Variants in KMT2C observed in about 807,000 individuals in gnomAD.
KMT2C encodes the protein lysine methyltransferase 2C.
A neutral mutation model predicts 507.9 loss-of-function variants in KMT2C; 88 were observed. The ratio of observed to expected loss-of-function variants is 0.17; its 90% CI spans 0.15 to 0.21. The LOEUF is 0.21. KMT2C is among the 10% of genes least tolerant of loss of function. The probability of loss-of-function intolerance (pLI) is 1.00; values close to 1 mark genes in which losing one functional copy is unlikely to be tolerated. For missense variants in KMT2C, 4,954 were observed against 5,957.8 expected (o/e 0.83, Z 5.55); for synonymous variants, 2,049 against 2,080.8 (o/e 0.98, Z 0.42).
At chr7:152,320,466 C>T (rs2096763270) in intron 3 of KMT2C, among the ~76,000 whole-genome samples, 3 of 152,040 alleles carry the variant, frequency 2.0e-5, no homozygotes, top group Admixed American at 2.0e-4. Context: ...CCAGGCTGGT[C>T]TCAAACTCCT....
chr7:152,306,911 T>C (rs1286687266), intron 6 of KMT2C, among the ~76,000 whole-genome samples: 1 of 152,090 alleles, frequency 6.6e-6, no homozygotes, highest in African/African-American at 2.4e-5. Flanking sequence ...ATAATCCCAG[T>C]ACTTCGGGAG....
intron 1 of KMT2C, among the ~76,000 whole-genome samples, chr7:152,374,622 G>T (rs2097314799): frequency 6.6e-6 from 1 of 152,100 alleles, no homozygotes; most frequent in African/African-American, 2.4e-5. Flanking sequence ...AATCAGGCCG[G>T]GTGTGCTGGC....
At chr7:152,423,709 C>T (rs2097792889) in intron 1 of KMT2C, among the ~76,000 whole-genome samples, 1 of 152,128 alleles carries the variant, frequency 6.6e-6, no homozygotes, top group Non-Finnish European at 1.5e-5. Flanking sequence ...ATTATTATTA[C>T]GGGGTTTTCA....
At chr7:152,272,669 T>A (rs561667369) in intron 7 of KMT2C, among the ~76,000 whole-genome samples, 1 of 152,288 alleles carries the variant, frequency 6.6e-6, no homozygotes, top group African/African-American at 2.4e-5. Context: ...AAATTCTAGT[T>A]TGCCTTACCT....
intron 1 of KMT2C, among the ~76,000 whole-genome samples, chr7:152,408,767 G>C (rs2097649699): frequency 6.7e-6 from 1 of 149,898 alleles, no homozygotes; most frequent in Non-Finnish European, 1.5e-5. Flanking sequence ...ACTAGTCCCT[G>C]GTGCCAAAAA....
intron 7 of KMT2C, 62 bp from the exon 8 acceptor site, chr7:152,265,271 C>G (rs2129173729): frequency 3.1e-6 from 5 of 1,590,862 alleles, no homozygotes; most frequent in Non-Finnish European, 4.3e-6. Flanking sequence ...TCTGACTATA[C>G]AGTAAAATCA....
intron 43 of KMT2C, among the ~76,000 whole-genome samples, chr7:152,160,718 A>G (rs2092401489): frequency 6.7e-6 from 1 of 149,744 alleles, no homozygotes; most frequent in Non-Finnish European, 1.5e-5. Context: ...TCACACTTTA[A>G]TTTGGGGGGA....
chr7:152,211,823 C>T (rs375899411), intron 23 of KMT2C, among the ~76,000 whole-genome samples: 3 of 151,698 alleles, frequency 2.0e-5, no homozygotes, highest in Admixed American at 1.3e-4. Context: ...CTGAGGCGGG[C>T]GGATCACGAG....
chr7:152,375,435 G>A (rs1435734371), intron 1 of KMT2C, among the ~76,000 whole-genome samples: 1 of 151,974 alleles, frequency 6.6e-6, no homozygotes. Flanking sequence ...GCCCAGGCTG[G>A]GGTGCAGTGG....
intron 6 of KMT2C, among the ~76,000 whole-genome samples, chr7:152,294,627 T>G (rs1227619326): frequency 1.3e-5 from 2 of 151,336 alleles, no homozygotes; most frequent in African/African-American, 2.4e-5. Flanking sequence ...GCAAGATCCC[T>G]CTCTGCCGGA....
At chr7:152,314,774 AAAG>A (rs763692053) in intron 4 of KMT2C, among the ~76,000 whole-genome samples, 12 of 152,182 alleles carry the variant, frequency 7.9e-5, no homozygotes, top group Non-Finnish European at 1.2e-4. Context: ...TAGAGAAACA[AAAG>A]AAGGACTTTA....
chr7:152,303,814 CCT>C (rs899597665), intron 6 of KMT2C, among the ~76,000 whole-genome samples: 62 of 152,236 alleles, frequency 4.1e-4, no homozygotes, highest in African/African-American at 1.5e-3. Context: ...ATGGCGAAAC[CCT>C]GTCTCTACTA....
At chr7:152,323,901 G>A (rs2096798345) in intron 3 of KMT2C, among the ~76,000 whole-genome samples, 2 of 151,600 alleles carry the variant, frequency 1.3e-5, no homozygotes, top group South Asian at 2.1e-4. Flanking sequence ...GAATCTAGAG[G>A]ATATCATGCT....
At chr7:152,295,032 A>G (rs1328833480) in intron 6 of KMT2C, among the ~76,000 whole-genome samples, 1 of 152,232 alleles carries the variant, frequency 6.6e-6, no homozygotes, top group Non-Finnish European at 1.5e-5. Flanking sequence ...CAACCAAACA[A>G]AACTTGTGAT....
chr7:152,229,380 C>T (rs1417017132), intron 18 of KMT2C, among the ~76,000 whole-genome samples: 3 of 152,156 alleles, frequency 2.0e-5, no homozygotes, highest in Non-Finnish European at 2.9e-5. Context: ...AAACCAAGCA[C>T]ACGATACCAC....
At position 152,178,015 on chromosome 7, in the gene KMT2C, T is replaced by TTAAAAAAAAAAAAA. The variant is rs1491309235; in HGVS notation, c.7443-6_7443-5insTTTTTTTTTTTTTA. ...CTACCTCCTGGAAATCCAAATCTTTTAAAAAAAAAAAAAAAAAAAAAAAAA... is the reference window on the plus strand; with the variant it reads ...CTACCTCCTGGAAATCCAAATCTTTTTAAAAAAAAAAAAAAAAAAAAAAAAAAAAAAAAAAAAAA... On this transcript the variant is annotated splice_polypyrimidine_tract_variant and splice_region_variant and intron_variant, in intron 37 of 58. Transcript: ENST00000262189. The TTAAAAAAAAAAAAA allele has an allele frequency of 5.7e-5, 46 of 811,040 alleles. 2 individuals carry two copies. The highest frequency in any genetic ancestry group is 3.7e-4 in the African/African-American group (12 of 32,436). The allele number at this position is 811,040 out of a possible 1,614,324, so 50.2% of individuals were successfully genotyped here. A position where few individuals can be genotyped will look rare whatever the true frequency, so the allele number is the denominator to read the frequency against.
intron 31 of KMT2C, among the ~76,000 whole-genome samples, 158 bp from the exon 32 acceptor site, chr7:152,188,005 T>C (rs1405359339): frequency 6.6e-5 from 10 of 152,158 alleles, no homozygotes; most frequent in Admixed American, 4.6e-4. Flanking sequence ...GGGAAACCCA[T>C]GCATAGAGAG....
chr7:152,434,079 A>G (rs1355346073), intron 1 of KMT2C, among the ~76,000 whole-genome samples: 1 of 152,242 alleles, frequency 6.6e-6, no homozygotes, highest in Non-Finnish European at 1.5e-5. Flanking sequence ...GTTGCTTTAA[A>G]GGATGCAAAA....
At chr7:152,312,372 A>G (rs1362249150) in intron 4 of KMT2C, 1 of 152,692 alleles carries the variant, frequency 6.5e-6, no homozygotes, top group African/African-American at 2.4e-5. Context: ...GAGGACTGCC[A>G]CAACAGAGGT....
Sources: allele counts gnomAD v4.1 joint callset (sites outside exome capture counted in the v4.1 genomes callset), GRCh38; gene constraint gnomAD v4.1.1; transcripts MANE v1.5; gene names NCBI Gene and HGNC (gene_info 2026-07-23, HGNC 2026-07-21).